The following BCAS1 variants were observed in gnomAD, a reference collection of about 807,000 sequenced individuals.
The protein encoded by BCAS1 is brain enriched myelin associated protein 1.
A neutral mutation model predicts 65.4 loss-of-function variants in BCAS1; 46 were observed. That is an observed-to-expected ratio of 0.70 (90% CI 0.55 to 0.90). The LOEUF (loss-of-function observed/expected upper bound fraction) is 0.90. Ranked by LOEUF, BCAS1 falls within the 40% of genes least tolerant of loss-of-function variation. BCAS1 has a pLI of 0.00. For missense variants in BCAS1, 793 were observed against 771.2 expected, an observed-to-expected ratio of 1.03 and a Z score of -0.33; for synonymous variants, 298 against 293.5, an observed-to-expected ratio of 1.02 and a Z score of -0.16.
At chr20:54,031,080 G>C (rs1285899214) in intron 3 of BCAS1, among the ~76,000 whole-genome samples, 1 of 151,266 alleles carries the variant, frequency 6.6e-6, no homozygotes, top group African/African-American at 2.4e-5. Context: ...TTTTCAAAAT[G>C]CCAAGAGCAC....
intron 11 of BCAS1, among the ~76,000 whole-genome samples, chr20:53,956,621 G>C (rs2089707794): frequency 6.6e-6 from 1 of 151,600 alleles, no homozygotes; most frequent in African/African-American, 2.4e-5. Flanking sequence ...TGAGGAAACT[G>C]AGGTGCTGAC....
At chr20:53,975,960 C>T (rs1018596133) in intron 8 of BCAS1, among the ~76,000 whole-genome samples, 5 of 152,166 alleles carry the variant, frequency 3.3e-5, no homozygotes, top group South Asian at 2.1e-4. Flanking sequence ...CAGCAGGGGC[C>T]GCTGCTTTCG....
intron 4 of BCAS1, among the ~76,000 whole-genome samples, chr20:54,024,946 T>C (rs1270463555): frequency 6.6e-6 from 1 of 152,172 alleles, no homozygotes; most frequent in Non-Finnish European, 1.5e-5. Flanking sequence ...TGAGCCAATC[T>C]GAGGACCGAT....
intron 3 of BCAS1, among the ~76,000 whole-genome samples, chr20:54,030,869 T>G (rs2091784785): frequency 6.6e-6 from 1 of 151,228 alleles, no homozygotes; most frequent in African/African-American, 2.4e-5. Flanking sequence ...GAATTCATAA[T>G]GATAGAAAAT....
At chr20:54,030,295 C>G (rs1354041548) in intron 3 of BCAS1, among the ~76,000 whole-genome samples, 1 of 152,172 alleles carries the variant, frequency 6.6e-6, no homozygotes, top group African/African-American at 2.4e-5. Flanking sequence ...ATCTTTGAAT[C>G]TCTTCATTTG....
At chr20:54,037,584 T>C (rs1161343359) in intron 3 of BCAS1, among the ~76,000 whole-genome samples, 1 of 151,586 alleles carries the variant, frequency 6.6e-6, no homozygotes, top group African/African-American at 2.4e-5. Context: ...TTATTATTTA[T>C]TTATTTGGAT....
chr20:53,981,821 C>T (rs201400292), intron 8 of BCAS1, among the ~76,000 whole-genome samples: 19 of 150,160 alleles, frequency 1.3e-4, no homozygotes, highest in East Asian at 3.9e-4. Context: ...CATGTGCGTG[C>T]GTGTGTGTGT....
Position 53,991,542 on chromosome 20 carries a change from T to C in BCAS1, c.1062+970A>G, listed in dbSNP as rs200748275. 2.6e-5 allele frequency among the ~76,000 whole-genome samples: 4 copies of C among 152,158 alleles called. No homozygotes were observed. The East Asian group carries it at 7.7e-4, about 29-fold the overall frequency. On this transcript the variant is annotated intron_variant, in intron 7 of 12. Transcript: ENST00000688948. ...CAAATTTTCAAGCATGCTAACCCAA[T>C]TCAGGGATCCTTTAAACTGATGGTT...
chr20:54,016,220 C>T (rs140047633), intron 4 of BCAS1, among the ~76,000 whole-genome samples: 2 of 152,120 alleles, frequency 1.3e-5, no homozygotes, highest in East Asian at 1.9e-4. Context: ...ATATGAAAGA[C>T]CTATTGGATC....
At chr20:53,984,507 T>C (rs2090562952) in intron 8 of BCAS1, among the ~76,000 whole-genome samples, 1 of 152,202 alleles carries the variant, frequency 6.6e-6, no homozygotes, top group Non-Finnish European at 1.5e-5. Flanking sequence ...CTTTGCATGG[T>C]GTGCCAAGTG....
chr20:53,969,278 G>A (rs1326129732), intron 9 of BCAS1, among the ~76,000 whole-genome samples: 1 of 151,882 alleles, frequency 6.6e-6, no homozygotes, highest in Non-Finnish European at 1.5e-5. Context: ...TAATGCTAGT[G>A]GTTGTTATTT....
Position 54,058,118 on chromosome 20 carries a change from C to T in BCAS1, c.109G>A (p.Val37Met). 1 of 1,613,948 alleles carries T rather than the reference C, an allele frequency of 6.2e-7. No individual in the cohort carries two copies. Among genetic ancestry groups the T allele is most frequent in the Middle Eastern group, 1.6e-4 (1 of 6,062 alleles). Residue 37 changes from valine (V) to methionine (M), a missense_variant, in exon 3 of 13, where the codon GTG (valine) becomes ATG (methionine). Physicochemically the swap from Val to Met is conservative, Grantham distance 21 (BLOSUM62 1). Transcript: ENST00000688948. ...ASALNGVPVV[V>M]STHTVQHLEE... ...AAGTGCTGAACTGTGTGGGTCGACA[C>T]CACCACTGGAACCCCGTTCAGAGCA...
At chr20:54,033,689 A>G (rs901371973) in intron 3 of BCAS1, among the ~76,000 whole-genome samples, 4 of 151,196 alleles carry the variant, frequency 2.6e-5, no homozygotes, top group Non-Finnish European at 5.9e-5. Context: ...ACCCAGTACT[A>G]GATGGATTCA....
At chr20:53,965,197 T>C (rs1375608489) in intron 10 of BCAS1, among the ~76,000 whole-genome samples, 1 of 152,234 alleles carries the variant, frequency 6.6e-6, no homozygotes, top group Non-Finnish European at 1.5e-5. Context: ...CATGAGAATA[T>C]AACAGGAAAA....
intron 3 of BCAS1, among the ~76,000 whole-genome samples, chr20:54,040,729 C>A (rs748260022): frequency 6.6e-6 from 1 of 151,152 alleles, no homozygotes; most frequent in Non-Finnish European, 1.5e-5. Flanking sequence ...AATGCTCATG[C>A]ATTGCTGGTA....
At chr20:54,021,169 G>C (rs957658073) in intron 4 of BCAS1, among the ~76,000 whole-genome samples, 29 of 152,204 alleles carry the variant, frequency 1.9e-4, no homozygotes, top group Non-Finnish European at 7.4e-5. Context: ...CCTTGACACA[G>C]ACACGTGACT....
chr20:53,963,012 G>A (rs2089926971), intron 10 of BCAS1, among the ~76,000 whole-genome samples: 3 of 151,676 alleles, frequency 2.0e-5, no homozygotes, highest in South Asian at 4.2e-4. Flanking sequence ...CACCATGCCC[G>A]GCTAGTTTTT....
At chr20:53,961,215 G>T (rs1016577492) in intron 10 of BCAS1, among the ~76,000 whole-genome samples, 1 of 152,208 alleles carries the variant, frequency 6.6e-6, no homozygotes, top group Non-Finnish European at 1.5e-5. Context: ...TTGGTGGTCA[G>T]TTCACATTTC....
intron 3 of BCAS1, among the ~76,000 whole-genome samples, chr20:54,036,788 A>G (rs188763229): frequency 6.6e-6 from 1 of 151,636 alleles, no homozygotes; most frequent in Admixed American, 6.6e-5. Flanking sequence ...GTAAGCCATA[A>G]GGAAAGGAAT....
Sources: allele counts gnomAD v4.1 joint callset (sites outside exome capture counted in the v4.1 genomes callset), GRCh38; gene constraint gnomAD v4.1.1; transcripts MANE v1.5; gene names NCBI Gene and HGNC (gene_info 2026-07-23, HGNC 2026-07-21).